The following LENG8 variants were observed in gnomAD, a reference collection of about 807,000 sequenced individuals.
The protein encoded by LENG8 is leukocyte receptor cluster (LRC) member 8.
In LENG8, 28 loss-of-function variants were observed where a neutral mutation model predicts 102.1. The ratio of observed to expected loss-of-function variants is 0.27; its 90% CI spans 0.20 to 0.38. LENG8 has a LOEUF of 0.38. Ranked by LOEUF, LENG8 falls within the 10% of genes least tolerant of loss-of-function variation. The pLI, the probability that LENG8 is intolerant of heterozygous loss-of-function variation, is 1.00. For synonymous variants in LENG8, 531 were observed against 456.7 expected (o/e 1.16, Z -2.07); for missense variants, 1,022 against 1,113.9 (o/e 0.92, Z 1.17).
At chr19:54,453,477 TC>T (rs2084058174) in intron 4 of LENG8, 68 bp from the exon 5 acceptor site, 6 of 999,340 alleles carry the variant, frequency 6.0e-6, no homozygotes, top group Non-Finnish European at 1.6e-6. Flanking sequence ...CTGGTGTAGT[TC>T]CTGAGCAGGC....
At chr19:54,453,139 A>G (rs1303698989) in intron 4 of LENG8, among the ~76,000 whole-genome samples, 1 of 152,150 alleles carries the variant, frequency 6.6e-6, no homozygotes, top group African/African-American at 2.4e-5. Context: ...ACTGATTGAA[A>G]GTAGCATTCC....
At chr19:54,458,031 C>T (rs551176006) in intron 13 of LENG8, 29 bp downstream of exon 13, 2 of 1,612,884 alleles carry the variant, frequency 1.2e-6, no homozygotes, top group East Asian at 2.2e-5. Context: ...GCCTCCCCAG[C>T]CCCTTTCCTG....
chr19:54,451,274 A>G lies in LENG8; in HGVS notation c.-55-16A>G. On this transcript the variant is annotated splice_polypyrimidine_tract_variant and intron_variant, in intron 1 of 15. Coordinates refer to ENST00000326764, the MANE Select transcript of LENG8 (RefSeq NM_052925.4). ...GCTCCCCCTTAAGTCTCCCTAACTC[A>G]TTCTTTTTCTCATAGACAGTGAAAA... The G allele has an allele frequency of 6.6e-7, 1 of 1,524,254 alleles. No individual in the cohort carries two copies. Among genetic ancestry groups the G allele is most frequent in the South Asian group, 1.1e-5 (1 of 89,266 alleles). The allele number at this position is 1,524,254 out of a possible 1,614,324, so 94.4% of individuals were successfully genotyped here. A position where few individuals can be genotyped will look rare whatever the true frequency, so the allele number is the denominator to read the frequency against.
intron 15 of LENG8, chr19:54,460,334 G>A (rs12462977): frequency 1.6e-6 from 2 of 1,214,138 alleles, no homozygotes; most frequent in African/African-American, 3.1e-5. Context: ...GTGAGTGCTA[G>A]CTGGCACCCC....
At chr19:54,456,275 TGA>T in intron 9 of LENG8, 30 bp downstream of exon 9, 1 of 1,614,060 alleles carries the variant, frequency 6.2e-7, no homozygotes, top group Non-Finnish European at 8.5e-7. Flanking sequence ...GGGCTGTGTG[TGA>T]GGGAGGGGGA....
intron 6 of LENG8, 21 bp downstream of exon 6, chr19:54,454,703 G>A: frequency 6.3e-7 from 1 of 1,574,818 alleles, no homozygotes. Flanking sequence ...AGAGCTACGT[G>A]GAGGTCCGAG....
intron 15 of LENG8, 47 bp from the exon 16 acceptor site, chr19:54,460,719 G>GGCCCA: frequency 4.1e-5 from 32 of 778,868 alleles, no homozygotes; most frequent in Non-Finnish European, 5.0e-5. Context: ...GCCCTCCCCT[G>GGCCCA]CCCTCCCGCC....
At chr19:54,455,616 A>C in intron 8 of LENG8, 49 bp downstream of exon 8, 1 of 1,516,886 alleles carries the variant, frequency 6.6e-7, no homozygotes, top group Non-Finnish European at 8.9e-7. Flanking sequence ...TGTGAGAGGC[A>C]TGGGCTGGGT....
rs753580432 is a variant in LENG8, at chr19:54,456,260, G to T, written c.1304+15G>T. On this transcript the variant is annotated intron_variant, in intron 9 of 15. Coordinates refer to ENST00000326764, the MANE Select transcript of LENG8 (RefSeq NM_052925.4). ...TTCCGCAGAAGGTACTGAGGCTCCCGGCTGGGGCTGTGTGTGAGGGAGGGG... is the reference window on the plus strand; with the variant it reads ...TTCCGCAGAAGGTACTGAGGCTCCCTGCTGGGGCTGTGTGTGAGGGAGGGG... 1.2e-6 allele frequency: 2 copies of T among 1,613,950 alleles called. No individual in the cohort carries two copies. The highest frequency in any genetic ancestry group is 1.3e-5 in the African/African-American group (1 of 74,932).
chr19:54,459,597 A>G lies in LENG8; in HGVS notation c.2240+1076A>G, dbSNP rs139259612. On this transcript the variant is annotated intron_variant, in intron 15 of 15. Transcript: ENST00000326764. ...GCCAGGTGGCCCTCCACGTGAGGTC[A>G]TGGTCACAGCATGGAGGCCTTGAGA... 2,070 of 964,458 alleles carry G rather than the reference A, an allele frequency of 2.1e-3. 43 individuals are homozygous for G. The highest frequency in any genetic ancestry group is 9.5e-3 in the Admixed American group (165 of 17,374). The allele number at this position is 964,458 out of a possible 1,614,324, so 59.7% of individuals were successfully genotyped here.
intron 15 of LENG8, 169 bp from the exon 16 acceptor site, chr19:54,460,597 C>T (rs1034011739): frequency 2.3e-5 from 31 of 1,350,450 alleles, no homozygotes; most frequent in Admixed American, 1.6e-4. Flanking sequence ...CCCCCCCGGG[C>T]CCCCCCCGAG....
rs767795612 is a variant in LENG8 at position 54,456,766 on chromosome 19, C to T, written c.1576C>T (p.Leu526Phe). 5 of 1,611,608 alleles carry T rather than the reference C, an allele frequency of 3.1e-6. No homozygotes were observed. The highest frequency in any genetic ancestry group is 3.3e-5 in the Admixed American group (2 of 59,882). Residue 526 changes from leucine to phenylalanine, a missense_variant, in exon 11 of 16, where the codon CTC (leucine) becomes TTC (phenylalanine). By Grantham distance (22) the Leu-to-Phe change is conservative (BLOSUM62 0). Transcript: ENST00000326764. The part of the protein sequence containing the change: ...FQHGHSRRLR[L>F]EPLVLQMSSL... ...GCACGGACACTCCCGCCGCCTGCGC[C>T]TCGAGCCCCTGGTGCTGCAGATGAG...
At chr19:54,453,326 A>G (rs2084047384) in intron 4 of LENG8, among the ~76,000 whole-genome samples, 1 of 152,184 alleles carries the variant, frequency 6.6e-6, no homozygotes, top group Non-Finnish European at 1.5e-5. Context: ...GGCACTCAGT[A>G]TCGTTGATTA....
rs765723095 is a variant in LENG8, at chr19:54,460,874, G to A, written c.2349G>A (p.Pro783=). The change falls in exon 16 of 16, where the codon CCG becomes CCA. Residue 783 remains proline (P), a synonymous_variant. Transcript: ENST00000326764. ...CCCTGGGCCTGGCCTACACGGGCCC[G>A]GACAACTCCAGCATCGACTGCCGCC... ...LEPLGLAYTG[P]DNSSIDCRLS... 2.0e-5 allele frequency: 32 copies of A among 1,561,276 alleles called. 1 individual carries two copies. The highest frequency in any genetic ancestry group is 8.3e-5 in the South Asian group (7 of 84,816).
intron 15 of LENG8, chr19:54,460,513 C>G: frequency 1.4e-6 from 2 of 1,381,132 alleles, no homozygotes; most frequent in Non-Finnish European, 1.9e-6. Flanking sequence ...CCTTCCCTGC[C>G]CGTCCCCGCT....
chr19:54,458,758 C>T (rs2084385247), intron 15 of LENG8: 2 of 1,551,210 alleles, frequency 1.3e-6, no homozygotes, highest in Admixed American at 2.0e-5. Flanking sequence ...TCCCAGCTCA[C>T]TGCCTCTGGG....
At chr19:54,453,172 C>T (rs1599960359) in intron 4 of LENG8, among the ~76,000 whole-genome samples, 1 of 152,128 alleles carries the variant, frequency 6.6e-6, no homozygotes, top group South Asian at 2.1e-4. Flanking sequence ...TGTCCCTCTC[C>T]CTTTCTTTGC....
At chr19:54,455,602 G>T (rs375908087) in intron 8 of LENG8, 35 bp downstream of exon 8, 7 of 1,571,148 alleles carry the variant, frequency 4.5e-6, no homozygotes, top group Non-Finnish European at 6.0e-6. Flanking sequence ...TGGGAGGGTG[G>T]TGCTGTGAGA....
intron 11 of LENG8, 32 bp downstream of exon 11, chr19:54,456,953 G>C: frequency 6.4e-7 from 1 of 1,571,032 alleles, no homozygotes. Context: ...TCTGCTCTGT[G>C]AGGCCGTGCT....
Sources: allele counts gnomAD v4.1 joint callset (sites outside exome capture counted in the v4.1 genomes callset), GRCh38; gene constraint gnomAD v4.1.1; transcripts MANE v1.5; gene names NCBI Gene and HGNC (gene_info 2026-07-23, HGNC 2026-07-21).